The following TASOR2 variants were observed in gnomAD, a reference collection of about 807,000 sequenced individuals.
The protein encoded by TASOR2 is protein TASOR 2.
TASOR2 carries 84 observed loss-of-function variants against 199.5 expected under a neutral mutation model. The observed-to-expected ratio is 0.42, with a 90% CI of 0.35 to 0.50. The LOEUF is 0.50. Ranked by LOEUF, TASOR2 falls within the 20% of genes least tolerant of loss-of-function variation. The probability of loss-of-function intolerance (pLI) is 0.02; values close to 1 mark genes in which losing one functional copy is unlikely to be tolerated. For missense variants in TASOR2, 2,796 were observed against 2,835.9 expected, an observed-to-expected ratio of 0.99 and a Z score of 0.32; for synonymous variants, 1,103 against 1,046.6, an observed-to-expected ratio of 1.05 and a Z score of -1.04.
Position 5,750,258 on chromosome 10 carries a change from T to TC in TASOR2, c.6606+232dup, listed in dbSNP as rs199680546. On this transcript the variant is annotated intron_variant, in intron 15 of 20. Coordinates refer to ENST00000328090, the Ensembl canonical transcript of TASOR2. The surrounding 1 kb of genome is among the most constrained non-coding windows in gnomAD (Gnocchi z 5.4). ...AATTAGGGCAATGACTAATTTTTTT[T>TC]CACAAAAAGTTACCAGTGTAGACAT... 8.7e-3 allele frequency among the ~76,000 whole-genome samples: 1,322 copies of TC among 152,372 alleles called. 17 individuals are homozygous for TC. Among genetic ancestry groups the TC allele is most frequent in the African/African-American group, 0.029 (1,201 of 41,586 alleles).
At chr10:5,727,016 G>C (rs1286690881) in intron 9 of TASOR2, 45 bp from the exon 11 acceptor site, 16 of 1,613,450 alleles carry the variant, frequency 9.9e-6, no homozygotes, top group Admixed American at 1.7e-5. Context: ...TGCTTTATAA[G>C]ATCAACAACC....
At chr10:5,712,732 C>A in intron 1 of TASOR2, 91 bp from the exon 2 acceptor site, 1 of 744,212 alleles carries the variant, frequency 1.3e-6, no homozygotes, top group Non-Finnish European at 1.8e-6. Flanking sequence ...GTCTTAATGG[C>A]AGGAAGAATT....
At chr10:5,761,038 G>A (rs1219904919) in intron 18 of TASOR2, 1 of 349,096 alleles carries the variant, frequency 2.9e-6, no homozygotes, top group Non-Finnish European at 5.2e-6. Context: ...GGCTTGCCAA[G>A]CCACATGGCT....
Position 5,687,659 on chromosome 10 carries a change from A to C in TASOR2, c.-288+2484A>C, listed in dbSNP as rs1164287452. Among the ~76,000 whole-genome samples the C allele has an allele frequency of 2.6e-5, 4 of 152,180 alleles. No homozygotes were observed. Among genetic ancestry groups the C allele is most frequent in the Admixed American group, 6.5e-5 (1 of 15,286 alleles). ...ACATGGTGAAACACCATCTCTACTA[A>C]AAATACAAAAATTAGCCAGGTGTGG... is the stretch of plus-strand genomic sequence containing the variant. On this transcript the variant is annotated intron_variant, in intron 1 of 20. Coordinates refer to ENST00000328090, the Ensembl canonical transcript of TASOR2. The surrounding 1 kb of genome is among the most constrained non-coding windows in gnomAD (Gnocchi z 4.8).
rs1329944326 is a variant in TASOR2 at position 5,698,637 on chromosome 10, G to A, written c.-288+13462G>A. ...GCTGTTTTTATGCTCTACCGGTAGA[G>A]ATGAGTAGTTGTGACAGAGACCGTG... On this transcript the variant is annotated intron_variant, in intron 1 of 20. Transcript: ENST00000328090. This position sits in a 1 kb window ranked among gnomAD's most constrained non-coding sequence, Gnocchi z 4.4. Among the ~76,000 whole-genome samples the A allele has an allele frequency of 6.6e-6, 1 of 152,176 alleles. No homozygotes were observed. Among genetic ancestry groups the A allele is most frequent in the Non-Finnish European group, 1.5e-5 (1 of 68,014 alleles).
In TASOR2 at chr10:5,730,470, G is replaced by T; in HGVS notation, c.488-17G>T. On this transcript the variant is annotated splice_polypyrimidine_tract_variant and intron_variant, in intron 10 of 20. Transcript: ENST00000328090. The surrounding 1 kb of genome is among the most constrained non-coding windows in gnomAD (Gnocchi z 4.1). ...AAAATAAACTTCAGATGTTTAATAC[G>T]TGTGTATATATTCTAGGGGTGAAAG... 1.3e-6 allele frequency: 2 copies of T among 1,521,466 alleles called. No individual in the cohort carries two copies. The highest frequency in any genetic ancestry group is 1.8e-6 in the Non-Finnish European group (2 of 1,129,504). The allele number at this position is 1,521,466 out of a possible 1,614,324, so 94.2% of individuals were successfully genotyped here.
At chr10:5,757,165 C>T (rs181408614) in intron 16 of TASOR2, among the ~76,000 whole-genome samples, 140 of 152,364 alleles carry the variant, frequency 9.2e-4, no homozygotes, top group African/African-American at 3.1e-3. Flanking sequence ...AGCAGGCAGT[C>T]GTCGGTGCTG....
chr10:5,713,850 A>G (rs538920053), intron 2 of TASOR2: 11 of 212,032 alleles, frequency 5.2e-5, no homozygotes, highest in East Asian at 1.9e-4. Flanking sequence ...ATTGCTTTGC[A>G]TAAGTTTTCT....
At position 5,738,768 on chromosome 10, in the gene TASOR2, T is replaced by C. The variant is rs1043236711; in HGVS notation, c.1448-850T>C. ...TCTGTCTACCTGCAGCAGGGAATCA[T>C]TGCCTAGCAGAGTTGTGAAGTTTAT... On this transcript the variant is annotated intron_variant, in intron 12 of 20. Transcript: ENST00000328090. This position sits in a 1 kb window ranked among gnomAD's most constrained non-coding sequence, Gnocchi z 4.7. Among the ~76,000 whole-genome samples the C allele has an allele frequency of 2.4e-5, 1 of 41,770 alleles. No individual in the cohort carries two copies. The highest frequency in any genetic ancestry group is 5.8e-4 in the East Asian group (1 of 1,722). 27.4% of individuals were successfully genotyped at this position (41,770 alleles called of 152,430 possible).
chr10:5,740,365 G>T lies in TASOR2; in HGVS notation c.2195G>T (p.Cys732Phe). 6.2e-7 allele frequency: 1 copy of T among 1,614,156 alleles called. No homozygotes were observed. Among genetic ancestry groups the T allele is most frequent in the Non-Finnish European group, 8.5e-7 (1 of 1,180,048 alleles). Residue 732 changes from cysteine (C) to phenylalanine (F), a missense_variant, in exon 13 of 21, where the codon TGC becomes TTC. Physicochemically the swap from Cys to Phe is radical, Grantham distance 205. Around this residue, in one of 3 missense-constraint regions of TASOR2, gnomAD observed 847 missense variants for 887.4 expected, o/e 0.95. Transcript: ENST00000328090. This position sits in a 1 kb window ranked among gnomAD's most constrained non-coding sequence, Gnocchi z 5.3. ...TCTGCCCGTGTGAAAAAATCTTCTT[G>T]CTCTCGTATAGTGCTTAGCTGTGAT...
At position 5,731,420 on chromosome 10, in the gene TASOR2, C is replaced by T. The variant is rs1357941938; in HGVS notation, c.1204+217C>T. 7.9e-5 allele frequency among the ~76,000 whole-genome samples: 12 copies of T among 152,138 alleles called. No individual in the cohort carries two copies. In the East Asian group the frequency reaches 1.9e-3, roughly 24 times the overall value. ...GTGCGTGCCTGTAGTCCTAGCTACT[C>T]GGAAGGTTGAGGCACAAGAATCATT... On this transcript the variant is annotated intron_variant, in intron 11 of 20. Transcript: ENST00000328090.
chr10:5,727,633 A>G (rs571540896), intron 10 of TASOR2, among the ~76,000 whole-genome samples: 2 of 152,248 alleles, frequency 1.3e-5, no homozygotes, highest in Non-Finnish European at 2.9e-5. Context: ...GGAGGTCAAT[A>G]TGGGGGAAAA....
intron 6 of TASOR2, among the ~76,000 whole-genome samples, chr10:5,723,043 CTTTTTTTTTTTT>C (rs1183983010): frequency 3.3e-4 from 24 of 72,894 alleles, no homozygotes; most frequent in African/African-American, 9.4e-4. Flanking sequence ...CAGGAAATAA[CTTTTTTTTTTTT>C]TTTTTTTTTT....
chr10:5,759,933 G>A (rs759776224), intron 18 of TASOR2, among the ~76,000 whole-genome samples: 6 of 152,166 alleles, frequency 3.9e-5, no homozygotes, highest in Non-Finnish European at 8.8e-5. Context: ...CGTCAACTTC[G>A]GTAAGTAGAG....
rs1835982376 is a variant in TASOR2, at chr10:5,738,844, C to G, written c.1448-774C>G. On this transcript the variant is annotated intron_variant, in intron 12 of 20. Transcript: ENST00000328090. The surrounding 1 kb of genome is among the most constrained non-coding windows in gnomAD (Gnocchi z 4.7). Reference sequence around the variant, plus strand: ...GGAATAATGAATACGTTGAAAATACCAAGGGAAACCACTGGCAAATGTAAA... The same window carrying G: ...GGAATAATGAATACGTTGAAAATACGAAGGGAAACCACTGGCAAATGTAAA... Among the ~76,000 whole-genome samples, 1 of 152,066 alleles carries G rather than the reference C, an allele frequency of 6.6e-6. No homozygotes were observed.
intron 1 of TASOR2, among the ~76,000 whole-genome samples, chr10:5,694,767 T>C (rs1406029356): frequency 6.6e-6 from 1 of 152,246 alleles, no homozygotes; most frequent in South Asian, 2.1e-4. Flanking sequence ...GTGAACGTTA[T>C]ATAGTAACTT....
At chr10:5,709,767 T>TA in intron 1 of TASOR2, 1 of 1,018,926 alleles carries the variant, frequency 9.8e-7, no homozygotes, top group South Asian at 5.2e-5. Context: ...AAAAAGACTT[T>TA]AAAAAATTAT....
At chr10:5,729,274 G>A (rs1418915009) in intron 10 of TASOR2, among the ~76,000 whole-genome samples, 1 of 152,198 alleles carries the variant, frequency 6.6e-6, no homozygotes, top group African/African-American at 2.4e-5. Context: ...CTTGAACCCA[G>A]GAGGCGGAGG....
intron 1 of TASOR2, among the ~76,000 whole-genome samples, chr10:5,703,869 T>C (rs1016097087): frequency 1.3e-5 from 2 of 152,076 alleles, no homozygotes; most frequent in Non-Finnish European, 2.9e-5. Flanking sequence ...AAATGTTCTT[T>C]TATAGTTGTT....
Sources: allele counts gnomAD v4.1 joint callset (sites outside exome capture counted in the v4.1 genomes callset), GRCh38; gene constraint gnomAD v4.1.1; regional missense constraint gnomAD v4.1.1; non-coding constraint Gnocchi (gnomAD v3.1); transcripts MANE v1.5; gene names NCBI Gene and HGNC (gene_info 2026-07-23, HGNC 2026-07-21).